Variants in HTR1E observed in about 807,000 individuals in gnomAD.
HTR1E encodes the protein 5-hydroxytryptamine receptor 1E, also known as 5-HT-1E.
In HTR1E, 3 loss-of-function variants were observed where a neutral mutation model predicts 3.4. That is an observed-to-expected ratio of 0.89 (90% confidence interval 0.41 to 2.31). The LOEUF (loss-of-function observed/expected upper bound fraction) is 2.31. HTR1E is among the 30% of genes most tolerant of loss of function. HTR1E has a pLI of 0.05. For missense variants in HTR1E, 392 were observed against 467.0 expected, an observed-to-expected ratio of 0.84 and a Z score of 1.48; for synonymous variants, 170 against 182.8, an observed-to-expected ratio of 0.93 and a Z score of 0.56.
chr6:86,965,251 C>T (rs1042659783), intron 1 of HTR1E, among the ~76,000 whole-genome samples: 1 of 152,128 alleles, frequency 6.6e-6, no homozygotes, highest in Non-Finnish European at 1.5e-5. Flanking sequence ...AGAGTCTCAC[C>T]GTCTCTGCAG....
At chr6:86,982,649 C>G (rs1308262093) in intron 1 of HTR1E, among the ~76,000 whole-genome samples, 1 of 152,184 alleles carries the variant, frequency 6.6e-6, no homozygotes, top group East Asian at 1.9e-4. Flanking sequence ...AGGTCCTAAA[C>G]ACCAGTCTGG....
chr6:87,008,804 A>AAT (rs1349508168), intron 1 of HTR1E, among the ~76,000 whole-genome samples: 1 of 152,192 alleles, frequency 6.6e-6, no homozygotes, highest in African/African-American at 2.4e-5. Context: ...AGTTTATTAA[A>AAT]ATATTATAAG....
intron 1 of HTR1E, among the ~76,000 whole-genome samples, chr6:86,998,523 C>G (rs1052816956): frequency 5.9e-5 from 9 of 152,090 alleles, no homozygotes; most frequent in African/African-American, 2.2e-4. Flanking sequence ...ACATTTCTTA[C>G]TAACAACGAA....
rs1446381792 is a variant in HTR1E at position 86,987,504 on chromosome 6, T to C, written c.-185-27646T>C. On this transcript the variant is annotated intron_variant, in intron 1 of 1. Transcript: ENST00000305344. ...AGAATTTTGAGCAATAATAGAAACA[T>C]ATATATATATATATGTTCAATCCAA... Among the ~76,000 whole-genome samples the C allele has an allele frequency of 3.3e-5, 5 of 150,906 alleles. No homozygotes were observed. In the East Asian group the frequency reaches 9.7e-4, roughly 29 times the overall value.
At chr6:86,946,859 G>T (rs1256325715) in intron 1 of HTR1E, among the ~76,000 whole-genome samples, 1 of 152,178 alleles carries the variant, frequency 6.6e-6, no homozygotes, top group Non-Finnish European at 1.5e-5. Context: ...GCTCACACCT[G>T]TAATCCCAGT....
intron 1 of HTR1E, among the ~76,000 whole-genome samples, chr6:86,945,622 G>A (rs1166166587): frequency 1.3e-5 from 2 of 152,076 alleles, no homozygotes; most frequent in Non-Finnish European, 2.9e-5. Context: ...TATAAATAAT[G>A]AGAATATTTT....
intron 1 of HTR1E, among the ~76,000 whole-genome samples, chr6:87,010,508 T>G (rs1203796327): frequency 1.6e-5 from 2 of 128,698 alleles, no homozygotes; most frequent in African/African-American, 3.0e-5. Flanking sequence ...ACATCCCAGA[T>G]GGGGCGGCGG....
chr6:86,967,875 G>A (rs1054122965), intron 1 of HTR1E, among the ~76,000 whole-genome samples: 1 of 152,136 alleles, frequency 6.6e-6, no homozygotes, highest in Non-Finnish European at 1.5e-5. Context: ...TGATTTGTTG[G>A]AGCATGAAAG....
intron 1 of HTR1E, among the ~76,000 whole-genome samples, chr6:86,992,311 T>C (rs1767879983): frequency 6.6e-6 from 1 of 152,228 alleles, no homozygotes; most frequent in African/African-American, 2.4e-5. Flanking sequence ...TCCTCATCTT[T>C]CTATAGAAAC....
At chr6:86,968,471 C>A (rs1443546491) in intron 1 of HTR1E, among the ~76,000 whole-genome samples, 1 of 152,156 alleles carries the variant, frequency 6.6e-6, no homozygotes, top group Non-Finnish European at 1.5e-5. Flanking sequence ...GTCACCAACA[C>A]AATGTGTTAT....
chr6:87,007,483 C>CTT (rs35163614), intron 1 of HTR1E, among the ~76,000 whole-genome samples: 2 of 152,082 alleles, frequency 1.3e-5, no homozygotes, highest in Admixed American at 6.5e-5. Flanking sequence ...TACAATTGGA[C>CTT]TTTTTGTAAC....
chr6:87,001,157 A>G (rs1768018279), intron 1 of HTR1E, among the ~76,000 whole-genome samples: 1 of 152,188 alleles, frequency 6.6e-6, no homozygotes, highest in African/African-American at 2.4e-5. Context: ...AATATATAAC[A>G]AAGACACAAA....
At chr6:87,008,148 A>G (rs1465951356) in intron 1 of HTR1E, among the ~76,000 whole-genome samples, 2 of 152,282 alleles carry the variant, frequency 1.3e-5, no homozygotes, top group Non-Finnish European at 2.9e-5. Flanking sequence ...TGTAATAATC[A>G]CATGTCATAT....
intron 1 of HTR1E, among the ~76,000 whole-genome samples, chr6:86,968,806 C>T (rs990285776): frequency 2.6e-5 from 4 of 151,830 alleles, no homozygotes; most frequent in African/African-American, 9.7e-5. Context: ...GTTTTAATAA[C>T]TTAGTGTATT....
At chr6:86,966,550 A>G (rs1326013819) in intron 1 of HTR1E, among the ~76,000 whole-genome samples, 4 of 152,208 alleles carry the variant, frequency 2.6e-5, no homozygotes, top group African/African-American at 9.7e-5. Flanking sequence ...TCTTCTTACA[A>G]TATGAGATTG....
intron 1 of HTR1E, among the ~76,000 whole-genome samples, chr6:86,940,543 GA>G (rs1316741431): frequency 1.3e-5 from 2 of 151,818 alleles, no homozygotes; most frequent in Admixed American, 1.3e-4. Flanking sequence ...CTCAAAAAAA[GA>G]AAAGAAAAGA....
At chr6:86,957,167 C>A (rs765434556) in intron 1 of HTR1E, among the ~76,000 whole-genome samples, 30 of 152,322 alleles carry the variant, frequency 2.0e-4, no homozygotes, top group Non-Finnish European at 4.1e-4. Context: ...GTCTTGGAAG[C>A]AGATGGTTTG....
rs1007574784 is a variant in HTR1E at position 86,981,090 on chromosome 6, C to T, written c.-185-34060C>T. 2.6e-5 allele frequency among the ~76,000 whole-genome samples: 4 copies of T among 152,296 alleles called. 1 individual carries two copies. The South Asian group carries it at 8.3e-4, about 32-fold the overall frequency. On this transcript the variant is annotated intron_variant, in intron 1 of 1. Coordinates refer to ENST00000305344, the MANE Select transcript of HTR1E (RefSeq NM_000865.3). ...CAGCTGTAGGTCTTTTGGCAAGTCC[C>T]TCACCCCTCCAACTACTCTTCAAAG...
chr6:86,985,128 C>G (rs558822109), intron 1 of HTR1E, among the ~76,000 whole-genome samples: 10 of 152,230 alleles, frequency 6.6e-5, no homozygotes, highest in Non-Finnish European at 1.0e-4. Flanking sequence ...CATCTACCGG[C>G]TGGCACTTGC....
Sources: gnomAD v4.1 joint callset for allele counts (sites outside exome capture counted in the v4.1 genomes callset) on GRCh38, gnomAD v4.1.1 for gene constraint, MANE v1.5 for transcripts, NCBI Gene and HGNC (gene_info 2026-07-23, HGNC 2026-07-21) for gene names.